Variants in ATG10 observed in about 807,000 individuals in gnomAD.
ATG10 encodes autophagy related 10.
Under a neutral mutation model 32.1 loss-of-function variants are expected in ATG10, and 30 were observed. The ratio of observed to expected loss-of-function variants is 0.94; its 90% CI spans 0.70 to 1.27. ATG10 has a LOEUF of 1.27. ATG10 is among the 50% of genes most tolerant of loss of function. ATG10 has a pLI of 0.00. For synonymous variants in ATG10, 87 were observed against 91.5 expected, an observed-to-expected ratio of 0.95 and a Z score of 0.28; for missense variants, 233 against 262.3, an observed-to-expected ratio of 0.89 and a Z score of 0.77.
chr5:82,201,906 ATC>A (rs1219268956), intron 5 of ATG10, among the ~76,000 whole-genome samples: 4 of 152,214 alleles, frequency 2.6e-5, no homozygotes, highest in Non-Finnish European at 5.9e-5. Flanking sequence ...TATGTTTAAT[ATC>A]TGTTAAATTT....
chr5:81,978,065 A>G (rs1458987542), intron 1 of ATG10, among the ~76,000 whole-genome samples: 3 of 151,828 alleles, frequency 2.0e-5, no homozygotes, highest in African/African-American at 7.3e-5. Flanking sequence ...GTAGCTTCTG[A>G]TATTGTGTTG....
chr5:82,090,255 C>T (rs1764839046), intron 3 of ATG10, among the ~76,000 whole-genome samples: 1 of 152,046 alleles, frequency 6.6e-6, no homozygotes, highest in Non-Finnish European at 1.5e-5. Flanking sequence ...AATTATGCTT[C>T]TGGGCATCTA....
intron 5 of ATG10, among the ~76,000 whole-genome samples, chr5:82,236,545 C>G (rs552727892): frequency 6.6e-6 from 1 of 152,254 alleles, no homozygotes; most frequent in Non-Finnish European, 1.5e-5. Flanking sequence ...GAATTAGTTT[C>G]TGGCCTCTCT....
intron 3 of ATG10, among the ~76,000 whole-genome samples, chr5:82,113,930 T>G (rs1042830505): frequency 3.3e-5 from 5 of 152,058 alleles, no homozygotes; most frequent in African/African-American, 1.2e-4. Context: ...TGCCTAGTTT[T>G]TGTACTTTGA....
chr5:82,117,130 C>A (rs1284171381), intron 3 of ATG10, among the ~76,000 whole-genome samples: 2 of 152,038 alleles, frequency 1.3e-5, no homozygotes, highest in African/African-American at 2.4e-5. Context: ...ATGCATAAGA[C>A]ATAGCCCCTA....
chr5:81,992,177 T>TG (rs1214052783), intron 2 of ATG10: 2 of 152,078 alleles, frequency 1.3e-5, no homozygotes, highest in African/African-American at 2.4e-5. Context: ...TTTGTAGAGA[T>TG]GGGGGTCTCA....
chr5:82,139,978 G>T (rs1235065283), intron 3 of ATG10, among the ~76,000 whole-genome samples: 1 of 132,626 alleles, frequency 7.5e-6, no homozygotes, highest in African/African-American at 2.8e-5. Context: ...GCCCCGTCAG[G>T]GAGGTGAGGG....
intron 3 of ATG10, among the ~76,000 whole-genome samples, chr5:82,060,413 G>T (rs1419547178): frequency 6.6e-6 from 1 of 152,010 alleles, no homozygotes; most frequent in African/African-American, 2.4e-5. Flanking sequence ...AGTACACAAA[G>T]ATTTACCTGC....
intron 3 of ATG10, among the ~76,000 whole-genome samples, chr5:82,088,301 T>C (rs1764760287): frequency 6.6e-6 from 1 of 152,178 alleles, no homozygotes; most frequent in African/African-American, 2.4e-5. Flanking sequence ...ATATGAACTA[T>C]ATTAGGTAAT....
At chr5:82,225,797 C>T (rs970862693) in intron 5 of ATG10, among the ~76,000 whole-genome samples, 2 of 152,068 alleles carry the variant, frequency 1.3e-5, no homozygotes, top group African/African-American at 2.4e-5. Flanking sequence ...CTAGAGGGAA[C>T]GGGAATACTT....
chr5:82,071,142 C>T (rs1028889018), intron 3 of ATG10, among the ~76,000 whole-genome samples: 1 of 152,076 alleles, frequency 6.6e-6, no homozygotes, highest in Admixed American at 6.6e-5. Context: ...GGTTGGAGGT[C>T]AACCTATGTA....
intron 2 of ATG10, among the ~76,000 whole-genome samples, chr5:81,997,388 C>T (rs994048080): frequency 3.3e-5 from 5 of 152,168 alleles, no homozygotes; most frequent in Non-Finnish European, 5.9e-5. Flanking sequence ...CTGAGGTGAG[C>T]CTTGGCCCCC....
intron 3 of ATG10, among the ~76,000 whole-genome samples, chr5:82,124,990 C>T (rs548148306): frequency 9.5e-4 from 145 of 152,192 alleles, no homozygotes; most frequent in Admixed American, 1.6e-3. Context: ...TTCTAACTGG[C>T]ATGAGATGGT....
At chr5:82,065,642 A>AATTGAAGAC (rs1366730518) in intron 3 of ATG10, among the ~76,000 whole-genome samples, 1 of 152,002 alleles carries the variant, frequency 6.6e-6, no homozygotes, top group Non-Finnish European at 1.5e-5. Flanking sequence ...TTTTGTATTT[A>AATTGAAGAC]ATTGAAGACT....
At chr5:82,111,383 G>T (rs1372105105) in intron 3 of ATG10, 1 of 151,884 alleles carries the variant, frequency 6.6e-6, no homozygotes, top group African/African-American at 2.4e-5. Flanking sequence ...CTGTTATGTG[G>T]TATACAGACA....
intron 2 of ATG10, among the ~76,000 whole-genome samples, chr5:81,995,253 C>G (rs569139889): frequency 1.6e-4 from 24 of 152,172 alleles, no homozygotes; most frequent in Non-Finnish European, 2.6e-4. Context: ...GCCTCAGCCT[C>G]CCCGGTAGCT....
At chr5:82,172,893 G>A (rs1319174893) in intron 4 of ATG10, among the ~76,000 whole-genome samples, 3 of 152,144 alleles carry the variant, frequency 2.0e-5, no homozygotes, top group African/African-American at 7.2e-5. Context: ...GTGAACAATT[G>A]CACTCATTTC....
At chr5:82,149,619 T>TCTGCTGTCCAGAGTC (rs1767508672) in intron 3 of ATG10, among the ~76,000 whole-genome samples, 2 of 151,160 alleles carry the variant, frequency 1.3e-5, no homozygotes, top group Non-Finnish European at 2.9e-5. Context: ...TAAATACTAC[T>TCTGCTGTCCAGAGTC]CTGCTGCCCA....
intron 4 of ATG10, 67 bp downstream of exon 4, chr5:82,164,604 G>T: frequency 6.9e-7 from 1 of 1,439,746 alleles, no homozygotes; most frequent in South Asian, 1.3e-5. Context: ...AGCATATTTG[G>T]AAAATTATTC....
Sources: gnomAD v4.1 joint callset for allele counts (sites outside exome capture counted in the v4.1 genomes callset) on GRCh38, gnomAD v4.1.1 for gene constraint, MANE v1.5 for transcripts, NCBI Gene and HGNC (gene_info 2026-07-23, HGNC 2026-07-21) for gene names.